ABCA4: variants seen among roughly 807,000 people sequenced by gnomAD.
ABCA4 encodes ATP binding cassette subfamily A member 4.
In ABCA4, 196 loss-of-function variants were observed where a neutral mutation model predicts 263.7. That is an observed-to-expected ratio of 0.74 (90% confidence interval 0.66 to 0.84). ABCA4 has a LOEUF of 0.84. ABCA4 is among the 40% of genes least tolerant of loss of function. The pLI, the probability that ABCA4 is intolerant of heterozygous loss-of-function variation, is 0.00. For synonymous variants in ABCA4, 1,133 were observed against 1,094.2 expected (o/e 1.04, Z -0.70); for missense variants, 2,792 against 2,855.1 (o/e 0.98, Z 0.50).
chr1:94,041,017 AT>A (rs1266886258), intron 23 of ABCA4, among the ~76,000 whole-genome samples, 191 bp downstream of exon 23: 1 of 152,208 alleles, frequency 6.6e-6, no homozygotes, highest in Non-Finnish European at 1.5e-5. Context: ...TAGTTGTTTC[AT>A]TTTGGCTAAA....
At chr1:94,103,229 G>A in intron 4 of ABCA4, 87 bp from the exon 5 acceptor site, 1 of 1,508,634 alleles carries the variant, frequency 6.6e-7, no homozygotes. Context: ...GGAAACACTT[G>A]TAACTCAACT....
At chr1:94,017,602 G>A (rs1659775937) in intron 36 of ABCA4, among the ~76,000 whole-genome samples, 1 of 152,192 alleles carries the variant, frequency 6.6e-6, no homozygotes, top group Non-Finnish European at 1.5e-5. Context: ...GAGGAGTGGG[G>A]TGTGAGGATT....
Position 94,101,440 on chromosome 1 carries a change from G to A in ABCA4, c.570+1575C>T, listed in dbSNP as rs950284. On this transcript the variant is annotated intron_variant, in intron 5 of 49. Coordinates refer to ENST00000370225, the MANE Select transcript of ABCA4 (RefSeq NM_000350.3). ...TCACCCTGCCTCCAGGCTGACCCTAGGTTCCCCTTGTCTAGTTTCGGTGAA... is the reference window on the plus strand; with the variant it reads ...TCACCCTGCCTCCAGGCTGACCCTAAGTTCCCCTTGTCTAGTTTCGGTGAA... Among the ~76,000 whole-genome samples, 539 of 152,338 alleles carry A rather than the reference G, an allele frequency of 3.5e-3. 11 individuals carry two copies. Among genetic ancestry groups the A allele is most frequent in the Admixed American group, 0.031 (473 of 15,302 alleles).
Position 94,063,235 on chromosome 1 carries a change from A to G in ABCA4, c.1637T>C (p.Met546Thr). The G allele has an allele frequency of 6.2e-7, 1 of 1,614,134 alleles. No individual in the cohort carries two copies. The highest frequency in any genetic ancestry group is 8.5e-7 in the Non-Finnish European group (1 of 1,180,006). Residue 546 changes from methionine (M) to threonine (T), a missense_variant, in exon 12 of 50, where the codon ATG becomes ACG. Met to Thr is a moderately conservative substitution (Grantham distance 81, BLOSUM62 -1). Transcript: ENST00000370225. ...AGGGAATACCACTCCGGCCCAGAAC[A>G]TGTTTTCCTCCAGTAGAGAGAGGGC... ...QRALSLLEENMFWAGVVFPDM... is the reference protein window; with the variant it reads ...QRALSLLEENTFWAGVVFPDM...
At chr1:94,080,985 G>A (rs2101107620) in intron 7 of ABCA4, among the ~76,000 whole-genome samples, 1 of 152,292 alleles carries the variant, frequency 6.6e-6, no homozygotes, top group African/African-American at 2.4e-5. Flanking sequence ...AGCACTTTGG[G>A]AGGCCGAGGC....
chr1:93,996,520 AATTG>A (rs1228776222), intron 48 of ABCA4, among the ~76,000 whole-genome samples: 1 of 152,100 alleles, frequency 6.6e-6, no homozygotes, highest in African/African-American at 2.4e-5. Flanking sequence ...AAAAAAAGGT[AATTG>A]ATCCCTGTTC....
intron 10 of ABCA4, 89 bp downstream of exon 10, chr1:94,078,501 C>T: frequency 9.3e-7 from 1 of 1,069,688 alleles, no homozygotes; most frequent in Non-Finnish European, 1.5e-6. Context: ...TAGCGATTAA[C>T]TCTTTCCTGG....
At chr1:93,998,761 G>GTTATTTTATTTT (rs1557758049) in intron 47 of ABCA4, among the ~76,000 whole-genome samples, 11 of 105,446 alleles carry the variant, frequency 1.0e-4, no homozygotes, top group African/African-American at 5.4e-4. Flanking sequence ...TATTTTATTT[G>GTTATTTTATTTT]AGACAGTCTC....
intron 4 of ABCA4, among the ~76,000 whole-genome samples, chr1:94,103,651 T>C (rs776575017): frequency 6.6e-6 from 1 of 152,096 alleles, no homozygotes; most frequent in Non-Finnish European, 1.5e-5. Flanking sequence ...GAAACTCTGG[T>C]CTAGGATTGG....
chr1:94,040,171 C>T, intron 23 of ABCA4, 44 bp from the exon 24 acceptor site: 1 of 1,481,406 alleles, frequency 6.8e-7, no homozygotes, highest in Non-Finnish European at 9.3e-7. Flanking sequence ...CACATCCCTT[C>T]CATGACAGCC....
chr1:94,015,562 G>A (rs967966456), intron 37 of ABCA4, among the ~76,000 whole-genome samples, 177 bp downstream of exon 37: 12 of 152,164 alleles, frequency 7.9e-5, no homozygotes, highest in Middle Eastern at 3.2e-3. Flanking sequence ...AGTGGAGTCA[G>A]AATCAGAAGC....
chr1:94,078,654 C>T lies in ABCA4; in HGVS notation c.1292G>A (p.Trp431Ter). The stretch of plus-strand genomic sequence containing the variant: ...CCAGATCTGGGGCCCTACTTCTTCC[C>T]AGGCTTTGACCAACTTCCTAACGTG... ...LEHVRKLVKA[W>*]EEVGPQIWYF... Residue 431 changes from tryptophan (W) to a stop codon, truncating the protein, a stop_gained, in exon 10 of 50, where the codon TGG (tryptophan) becomes TAG (stop). Coordinates refer to ENST00000370225, the MANE Select transcript of ABCA4 (RefSeq NM_000350.3). LOFTEE classifies it high-confidence loss of function. 9 of 1,613,412 alleles carry T rather than the reference C, an allele frequency of 5.6e-6. No individual in the cohort carries two copies. Among genetic ancestry groups the T allele is most frequent in the Non-Finnish European group, 7.6e-6 (9 of 1,179,826 alleles).
chr1:94,092,154 A>G (rs1473116434), intron 6 of ABCA4, among the ~76,000 whole-genome samples: 1 of 152,244 alleles, frequency 6.6e-6, no homozygotes, highest in Non-Finnish European at 1.5e-5. Context: ...TATACCTAAC[A>G]CAAGGGTAAA....
intron 35 of ABCA4, 148 bp downstream of exon 35, chr1:94,021,092 T>A: frequency 9.2e-7 from 1 of 1,089,074 alleles, no homozygotes; most frequent in Non-Finnish European, 1.4e-6. Flanking sequence ...TGTGAGGCAC[T>A]TATTTGAAAG....
At chr1:94,097,836 G>A (rs1250713730) in intron 6 of ABCA4, among the ~76,000 whole-genome samples, 12 of 152,136 alleles carry the variant, frequency 7.9e-5, no homozygotes, top group Middle Eastern at 3.2e-3. Context: ...TGCAAGCTCC[G>A]CCTCCCGGGT....
At chr1:94,048,711 G>A (rs1364205839) in intron 18 of ABCA4, among the ~76,000 whole-genome samples, 157 bp downstream of exon 18, 1 of 152,176 alleles carries the variant, frequency 6.6e-6, no homozygotes, top group Non-Finnish European at 1.5e-5. Context: ...CATGCAGATG[G>A]ACCTCTGAGA....
chr1:94,086,298 C>T (rs1291662159), intron 6 of ABCA4, among the ~76,000 whole-genome samples: 1 of 152,160 alleles, frequency 6.6e-6, no homozygotes, highest in South Asian at 2.1e-4. Flanking sequence ...GTACACTCAT[C>T]GATGTCCAAC....
In ABCA4 at chr1:94,003,972, C is replaced by A. The variant is rs541352057; in HGVS notation, c.6147+1469G>T. Among the ~76,000 whole-genome samples the A allele has an allele frequency of 2.8e-4, 43 of 152,198 alleles. No homozygotes were observed. The South Asian group carries it at 5.6e-3, about 20-fold the overall frequency. Reference sequence around the variant, plus strand: ...TTTTTTAAAAGCACTTCCTTACTTTCTGGCATAAGATATTCCAGGTTCATT... The same window carrying A: ...TTTTTTAAAAGCACTTCCTTACTTTATGGCATAAGATATTCCAGGTTCATT... On this transcript the variant is annotated intron_variant, in intron 44 of 49. Transcript: ENST00000370225.
At chr1:94,118,783 C>A (rs115077698) in intron 1 of ABCA4, among the ~76,000 whole-genome samples, 1 of 152,304 alleles carries the variant, frequency 6.6e-6, no homozygotes, top group Non-Finnish European at 1.5e-5. Context: ...AGTCCCTGAG[C>A]AGGAGTCGCC....
Sources: allele counts gnomAD v4.1 joint callset (sites outside exome capture counted in the v4.1 genomes callset), GRCh38; gene constraint gnomAD v4.1.1; transcripts MANE v1.5; gene names NCBI Gene and HGNC (gene_info 2026-07-23, HGNC 2026-07-21).